Variants in PKHD1 observed in about 807,000 individuals in gnomAD.
PKHD1 encodes the protein PKHD1 ciliary IPT domain containing fibrocystin/polyductin.
A neutral mutation model predicts 412.0 loss-of-function variants in PKHD1; 291 were observed. The observed-to-expected ratio is 0.71, with a 90% CI of 0.64 to 0.78. The LOEUF is 0.78. PKHD1 is among the 30% of genes least tolerant of loss of function. The probability of loss-of-function intolerance (pLI) is 0.00; values close to 1 mark genes in which losing one functional copy is unlikely to be tolerated. For synonymous variants in PKHD1, 1,777 were observed against 1,821.5 expected (o/e 0.98, Z 0.62); for missense variants, 4,825 against 4,950.7 (o/e 0.97, Z 0.76).
At chr6:51,958,828 CACACACACACAA>C (rs1240271752) in intron 36 of PKHD1, among the ~76,000 whole-genome samples, 9 of 151,658 alleles carry the variant, frequency 5.9e-5, no homozygotes, top group African/African-American at 1.9e-4. Context: ...CACACACACA[CACACACACACAA>C]ACACACACAC....
chr6:51,983,747 T>C (rs1795874657), intron 35 of PKHD1, among the ~76,000 whole-genome samples: 1 of 152,242 alleles, frequency 6.6e-6, no homozygotes, highest in South Asian at 2.1e-4. Flanking sequence ...TCACTATTAA[T>C]GAGCTTTGAC....
intron 43 of PKHD1, among the ~76,000 whole-genome samples, chr6:51,888,715 G>A (rs1778602831): frequency 6.6e-6 from 1 of 151,392 alleles, no homozygotes; most frequent in Non-Finnish European, 1.5e-5. Flanking sequence ...CTCAACTACA[G>A]GCAACAAAGT....
intron 52 of PKHD1, among the ~76,000 whole-genome samples, chr6:51,827,994 G>A (rs1767609294): frequency 6.6e-6 from 1 of 152,064 alleles, no homozygotes; most frequent in African/African-American, 2.4e-5. Context: ...TTCCAAGCAT[G>A]TGTGATAAGA....
At chr6:51,713,857 AG>A (rs938994716) in intron 60 of PKHD1, among the ~76,000 whole-genome samples, 14 of 152,186 alleles carry the variant, frequency 9.2e-5, no homozygotes, top group Non-Finnish European at 2.1e-4. Context: ...ACAGTTGGCC[AG>A]GTATCTTTGC....
chr6:51,640,177 T>C (rs1388012159), intron 63 of PKHD1, among the ~76,000 whole-genome samples: 3 of 152,182 alleles, frequency 2.0e-5, no homozygotes, highest in Non-Finnish European at 4.4e-5. Flanking sequence ...ATGAAATCAT[T>C]TGCTGCAGTT....
chr6:51,979,308 C>G (rs1174202714), intron 35 of PKHD1, among the ~76,000 whole-genome samples: 2 of 152,152 alleles, frequency 1.3e-5, no homozygotes, highest in Non-Finnish European at 2.9e-5. Flanking sequence ...TGAGAACAGA[C>G]AGCATGTCTG....
chr6:51,832,059 A>T (rs1415975011), intron 51 of PKHD1, among the ~76,000 whole-genome samples: 1 of 152,106 alleles, frequency 6.6e-6, no homozygotes, highest in African/African-American at 2.4e-5. Context: ...ATAAATAGTG[A>T]GCACCTTCTC....
chr6:51,824,079 A>G (rs1002468986), intron 52 of PKHD1, among the ~76,000 whole-genome samples: 1 of 152,202 alleles, frequency 6.6e-6, no homozygotes, highest in African/African-American at 2.4e-5. Context: ...TAATCTTAAC[A>G]TATGTCATAG....
intron 37 of PKHD1, among the ~76,000 whole-genome samples, chr6:51,931,291 G>A (rs1786537290): frequency 6.6e-6 from 1 of 152,148 alleles, no homozygotes; most frequent in South Asian, 2.1e-4. Flanking sequence ...GTTATCCTGG[G>A]AAACTGAGTG....
intron 43 of PKHD1, among the ~76,000 whole-genome samples, chr6:51,902,018 C>T (rs901950155): frequency 2.6e-5 from 4 of 152,154 alleles, no homozygotes; most frequent in Non-Finnish European, 5.9e-5. Flanking sequence ...CAGCTCAACC[C>T]TTCTTCTTGT....
intron 60 of PKHD1, chr6:51,722,068 A>T: frequency 6.2e-7 from 1 of 1,613,196 alleles, no homozygotes. Flanking sequence ...GCTCTCCAAA[A>T]ATATGTCTCC....
chr6:51,687,699 AT>A (rs1777618183), intron 60 of PKHD1, among the ~76,000 whole-genome samples: 1 of 152,210 alleles, frequency 6.6e-6, no homozygotes, highest in African/African-American at 2.4e-5. Context: ...AATTAATTAA[AT>A]ACTGGTCTCT....
chr6:51,855,663 A>C (rs1452080264), intron 49 of PKHD1, among the ~76,000 whole-genome samples: 1 of 152,244 alleles, frequency 6.6e-6, no homozygotes, highest in Non-Finnish European at 1.5e-5. Context: ...CATTCACAAT[A>C]ACACATAAAT....
intron 65 of PKHD1, among the ~76,000 whole-genome samples, chr6:51,631,571 T>C (rs886277586): frequency 6.6e-6 from 1 of 152,156 alleles, no homozygotes; most frequent in South Asian, 2.1e-4. Flanking sequence ...TCTCCTCTTT[T>C]AAACTTCACT....
At chr6:51,969,150 A>C (rs1793286703) in intron 35 of PKHD1, among the ~76,000 whole-genome samples, 1 of 152,206 alleles carries the variant, frequency 6.6e-6, no homozygotes, top group South Asian at 2.1e-4. Flanking sequence ...GCAACCTGCC[A>C]TGTGGCTTGG....
intron 2 of PKHD1, among the ~76,000 whole-genome samples, chr6:52,084,206 AAAC>A (rs1812429297): frequency 6.6e-6 from 1 of 152,232 alleles, no homozygotes; most frequent in Non-Finnish European, 1.5e-5. Context: ...TCTTTAGAAG[AAAC>A]TGTGTCTAGC....
chr6:52,055,409 G>A (rs763361515), intron 19 of PKHD1, among the ~76,000 whole-genome samples, 178 bp downstream of exon 19: 2 of 152,206 alleles, frequency 1.3e-5, no homozygotes, highest in South Asian at 2.1e-4. Flanking sequence ...ACAAGTGGGG[G>A]CCAGTGGTGT....
In PKHD1 at chr6:51,619,173, C is replaced by A. The variant is rs1433609581; in HGVS notation, c.12133G>T (p.Gly4045Trp). 3.1e-6 allele frequency: 5 copies of A among 1,614,218 alleles called. No individual in the cohort carries two copies. Among genetic ancestry groups the A allele is most frequent in the Non-Finnish European group, 4.2e-6 (5 of 1,180,028 alleles). Reference protein sequence around the residue: ...SRLSKQSGSLGLSQEKKASCG... With the variant: ...SRLSKQSGSLWLSQEKKASCG... The stretch of plus-strand genomic sequence containing the variant: ...GAGGCTTTCTTCTCTTGGGAAAGCC[C>A]CAAGCTGCCACTTTGCTTACTCAGC... Residue 4045 changes from glycine to tryptophan, a missense_variant, in exon 67 of 67, where the codon GGG (glycine) becomes TGG (tryptophan). By Grantham distance (184) the Gly-to-Trp change is radical. Transcript: ENST00000371117.
At chr6:51,721,413 T>A (rs1781911143) in intron 60 of PKHD1, 1 of 540,156 alleles carries the variant, frequency 1.9e-6, no homozygotes, top group South Asian at 8.2e-5. Flanking sequence ...AATATGCCAA[T>A]AATAATAATA....
Sources: gnomAD v4.1 joint callset for allele counts (sites outside exome capture counted in the v4.1 genomes callset) on GRCh38, gnomAD v4.1.1 for gene constraint, MANE v1.5 for transcripts, NCBI Gene and HGNC (gene_info 2026-07-23, HGNC 2026-07-21) for gene names.